The following CYTH3 variants were observed in gnomAD, a reference collection of about 807,000 sequenced individuals.
CYTH3 encodes cytohesin 3.
Under a neutral mutation model 55.1 loss-of-function variants are expected in CYTH3, and 23 were observed. The ratio of observed to expected loss-of-function variants is 0.42; its 90% CI spans 0.30 to 0.59. The LOEUF is 0.59. CYTH3 is among the 20% of genes least tolerant of loss of function. CYTH3 has a pLI of 0.20. For missense variants in CYTH3, 413 were observed against 524.8 expected (o/e 0.79, Z 2.08); for synonymous variants, 249 against 194.9 (o/e 1.28, Z -2.31).
intron 9 of CYTH3, among the ~76,000 whole-genome samples, chr7:6,168,221 T>G (rs374999087): frequency 0.014 from 1,927 of 135,712 alleles, 24 homozygotes; most frequent in Middle Eastern, 0.045. Context: ...CTCCTAGGAT[T>G]TTTTTTTTTT....
chr7:6,246,553 T>G (rs1779822072), intron 1 of CYTH3, among the ~76,000 whole-genome samples: 1 of 152,170 alleles, frequency 6.6e-6, no homozygotes, highest in Non-Finnish European at 1.5e-5. Context: ...AATTTTCTAG[T>G]GATTATCTTT....
chr7:6,270,947 T>G (rs71549618), intron 1 of CYTH3, among the ~76,000 whole-genome samples: 7,395 of 152,306 alleles, frequency 0.049, 270 homozygotes, highest in Non-Finnish European at 0.073. Flanking sequence ...CAAACAAAAC[T>G]GCCAAGCCAG....
chr7:6,171,984 TGTCTGCCTTAGCCACC>T lies in CYTH3; in HGVS notation c.450-686_450-671del, dbSNP rs1160963935. ...GCTGCGTGGCACCACCCCTGCTACC[TGTCTGCCTTAGCCACC>T]GTCTGCCCGCCCAGGAGTGAGCCCC... On this transcript the variant is annotated intron_variant, in intron 6 of 12. Coordinates refer to ENST00000350796, the MANE Select transcript of CYTH3 (RefSeq NM_004227.4). This position sits in a 1 kb window ranked among gnomAD's most constrained non-coding sequence, Gnocchi z 6.7. The T allele has an allele frequency of 9.1e-5, 14 of 153,290 alleles. No individual in the cohort carries two copies. The highest frequency in any genetic ancestry group is 3.4e-4 in the African/African-American group (14 of 41,356). 9.5% of individuals were successfully genotyped at this position (153,290 alleles called of 1,614,324 possible).
rs1292911820 is a variant in CYTH3, at chr7:6,169,603, C to T, written c.823+932G>A. On this transcript the variant is annotated intron_variant, in intron 9 of 12. Transcript: ENST00000350796. The surrounding 1 kb of genome is among the most constrained non-coding windows in gnomAD (Gnocchi z 4.1). ...GCTCTCAGAAAGGCTTGCGTGAACC[C>T]AGCTACCGCATCTCGCCCGCTTCAC... Among the ~76,000 whole-genome samples the T allele has an allele frequency of 1.3e-5, 2 of 152,204 alleles. No homozygotes were observed. Among genetic ancestry groups the T allele is most frequent in the Admixed American group, 1.3e-4 (2 of 15,274 alleles).
Position 6,164,842 on chromosome 7 carries a change from C to T in CYTH3, c.*102G>A, listed in dbSNP as rs1050813210. ...TATGCTCTGGAGCAGCAGCTTGCACCGCAGGGCGACTGCCTCCCTGCCACG... is the reference window on the plus strand; with the variant it reads ...TATGCTCTGGAGCAGCAGCTTGCACTGCAGGGCGACTGCCTCCCTGCCACG... On this transcript the variant is annotated 3_prime_UTR_variant, in exon 13 of 13. Transcript: ENST00000350796. 2.5e-5 allele frequency: 32 copies of T among 1,298,338 alleles called. No individual in the cohort carries two copies. The highest frequency in any genetic ancestry group is 4.7e-4 in the Middle Eastern group (2 of 4,252). 80.4% of individuals were successfully genotyped at this position (1,298,338 alleles called of 1,614,324 possible).
chr7:6,250,791 T>C (rs2115047071), intron 1 of CYTH3, among the ~76,000 whole-genome samples: 1 of 152,314 alleles, frequency 6.6e-6, no homozygotes, highest in South Asian at 2.1e-4. Context: ...TAAAAGCCAT[T>C]CAATTGTGTA....
chr7:6,179,590 A>ACACACACACACACCACACAC (rs1233814277), intron 4 of CYTH3, among the ~76,000 whole-genome samples: 9 of 139,654 alleles, frequency 6.4e-5, no homozygotes, highest in South Asian at 4.4e-4. Flanking sequence ...CAAGACAGAC[A>ACACACACACACACCACACAC]CACACACACA....
intron 4 of CYTH3, among the ~76,000 whole-genome samples, chr7:6,184,439 T>C (rs1206233379): frequency 1.3e-5 from 2 of 152,060 alleles, no homozygotes; most frequent in Non-Finnish European, 2.9e-5. Context: ...GTAGTTTTGT[T>C]GGCCCTTATT....
intron 1 of CYTH3, among the ~76,000 whole-genome samples, chr7:6,258,224 G>A (rs1332441307): frequency 1.3e-5 from 2 of 151,128 alleles, no homozygotes; most frequent in Admixed American, 6.6e-5. Context: ...GAGGTGGGGG[G>A]ATCACTGGAG....
At chr7:6,173,626 C>A in intron 6 of CYTH3, 27 bp downstream of exon 6, 5 of 1,526,530 alleles carry the variant, frequency 3.3e-6, no homozygotes, top group Non-Finnish European at 4.5e-6. Context: ...CCCATCCACT[C>A]TACACCCAGC....
chr7:6,203,357 TGACTATTGCTA>T lies in CYTH3; in HGVS notation c.35-12837_35-12827del, dbSNP rs1467335578. On this transcript the variant is annotated intron_variant, in intron 1 of 12. Coordinates refer to ENST00000350796, the MANE Select transcript of CYTH3 (RefSeq NM_004227.4). ...ATCATTGCCTCCATAGCTGTGAATC[TGACTATTGCTA>T]GAGGCAAAACTAAACAACTGCTACT... is the stretch of plus-strand genomic sequence containing the variant. Among the ~76,000 whole-genome samples the T allele has an allele frequency of 2.6e-5, 4 of 152,322 alleles. No homozygotes were observed. The East Asian group carries it at 7.7e-4, about 29-fold the overall frequency.
At chr7:6,214,158 T>C (rs927571674) in intron 1 of CYTH3, among the ~76,000 whole-genome samples, 5 of 152,164 alleles carry the variant, frequency 3.3e-5, no homozygotes, top group Non-Finnish European at 5.9e-5. Flanking sequence ...GATGGATGGA[T>C]GGATCGATGA....
At chr7:6,267,905 G>A (rs1452514596) in intron 1 of CYTH3, among the ~76,000 whole-genome samples, 1 of 152,092 alleles carries the variant, frequency 6.6e-6, no homozygotes, top group African/African-American at 2.4e-5. Context: ...CTATGAAACT[G>A]CTTTCCAATT....
At chr7:6,222,528 C>G (rs144862716) in intron 1 of CYTH3, among the ~76,000 whole-genome samples, 3,006 of 152,218 alleles carry the variant, frequency 0.02, 57 homozygotes, top group Non-Finnish European at 0.028. Flanking sequence ...GGGTGGATCA[C>G]AAGTTCAGGA....
At chr7:6,186,134 C>T (rs1479761010) in intron 4 of CYTH3, among the ~76,000 whole-genome samples, 3 of 151,720 alleles carry the variant, frequency 2.0e-5, no homozygotes, top group East Asian at 3.9e-4. Flanking sequence ...GTCTCAGCTA[C>T]CCGGGAGGCT....
intron 1 of CYTH3, among the ~76,000 whole-genome samples, chr7:6,252,269 A>T (rs1185657912): frequency 6.6e-6 from 1 of 152,202 alleles, no homozygotes. Context: ...CAGTATTTTG[A>T]AGAATCTTTG....
At position 6,171,299 on chromosome 7, in the gene CYTH3, G is replaced by A; in HGVS notation, c.465C>T (p.Ser155=). ...LVQALRQFLW[S]FRLPGEAQKI... Reference sequence around the variant, plus strand: ...TCTGCGCCTCCCCGGGCAGCCTGAAGCTCCATAAGAACTGCCTGTGGAGAC... The same window carrying A: ...TCTGCGCCTCCCCGGGCAGCCTGAAACTCCATAAGAACTGCCTGTGGAGAC... The change falls in exon 7 of 13, where the codon AGC becomes AGT. Residue 155 remains serine (S), a synonymous_variant. Coordinates refer to ENST00000350796, the MANE Select transcript of CYTH3 (RefSeq NM_004227.4). The surrounding 1 kb of genome is among the most constrained non-coding windows in gnomAD (Gnocchi z 6.7). 6.2e-7 allele frequency: 1 copy of A among 1,614,158 alleles called. No homozygotes were observed. Among genetic ancestry groups the A allele is most frequent in the Non-Finnish European group, 8.5e-7 (1 of 1,179,996 alleles).
chr7:6,233,301 T>G (rs1779434234), intron 1 of CYTH3, among the ~76,000 whole-genome samples: 1 of 152,190 alleles, frequency 6.6e-6, no homozygotes, highest in African/African-American at 2.4e-5. Context: ...CTTCAAGTCT[T>G]TACTATCAAG....
At position 6,171,233 on chromosome 7, in the gene CYTH3, G is replaced by A. The variant is rs1356119551; in HGVS notation, c.531C>T (p.Cys177=). ...ACTGGAAGACCCCGGGGTTGCACAG[G>A]CAGTAGCGAGAAGCGAAAGCCTCCA... ...RMMEAFASRY[C]LCNPGVFQST... is the part of the protein sequence containing the mutation. The change falls in exon 7 of 13, where the codon TGC becomes TGT. Residue 177 remains cysteine, a synonymous_variant. Transcript: ENST00000350796. This position sits in a 1 kb window ranked among gnomAD's most constrained non-coding sequence, Gnocchi z 6.7. The A allele has an allele frequency of 2.5e-6, 4 of 1,614,190 alleles. No homozygotes were observed. Among genetic ancestry groups the A allele is most frequent in the South Asian group, 2.2e-5 (2 of 91,086 alleles).
Sources: gnomAD v4.1 joint callset for allele counts (sites outside exome capture counted in the v4.1 genomes callset) on GRCh38, gnomAD v4.1.1 for gene constraint, Gnocchi (gnomAD v3.1) non-coding constraint, MANE v1.5 for transcripts, NCBI Gene and HGNC (gene_info 2026-07-23, HGNC 2026-07-21) for gene names.